The following LARGE1 variants were observed in gnomAD, a reference collection of about 807,000 sequenced individuals.
The protein encoded by LARGE1 is LARGE xylosyl- and glucuronyltransferase 1, also known as xylosyl- and glucuronyltransferase LARGE1.
LARGE1 carries 43 observed loss-of-function variants against 87.6 expected under a neutral mutation model. The ratio of observed to expected loss-of-function variants is 0.49; its 90% CI spans 0.38 to 0.63. The LOEUF is 0.63. LARGE1 is among the 30% of genes least tolerant of loss of function. LARGE1 has a pLI of 0.00. For synonymous variants in LARGE1, 434 were observed against 394.6 expected, an observed-to-expected ratio of 1.10 and a Z score of -1.18; for missense variants, 802 against 1,000.2, an observed-to-expected ratio of 0.80 and a Z score of 2.67.
intron 2 of LARGE1, among the ~76,000 whole-genome samples, chr22:33,665,524 C>T (rs1032520089): frequency 3.3e-5 from 5 of 152,142 alleles, no homozygotes; most frequent in African/African-American, 1.2e-4. Context: ...GCCACTTTGG[C>T]GGGATGAATG....
the LARGE1 span, among the ~76,000 whole-genome samples, chr22:33,120,380 TTC>T: frequency 2.1e-5 from 2 of 93,846 alleles, no homozygotes; most frequent in African/African-American, 6.7e-5. Flanking sequence ...CTTTCTTTCT[TTC>T]TTTCTTTCTT....
intron 6 of LARGE1, among the ~76,000 whole-genome samples, chr22:33,472,493 A>G (rs1486142320): frequency 6.6e-6 from 1 of 152,100 alleles, no homozygotes; most frequent in Non-Finnish European, 1.5e-5. Flanking sequence ...AAACCTCTGC[A>G]GGTGTTTTTT....
downstream of LARGE1, among the ~76,000 whole-genome samples, chr22:33,158,774 A>G (rs1404340485): frequency 6.6e-6 from 1 of 152,206 alleles, no homozygotes; most frequent in African/African-American, 2.4e-5. Context: ...ATTTTCCCGT[A>G]ACACTGGACA....
At chr22:33,200,680 A>G (rs1052567854) in intron 11 of LARGE1, among the ~76,000 whole-genome samples, 3 of 152,248 alleles carry the variant, frequency 2.0e-5, no homozygotes, top group Non-Finnish European at 4.4e-5. Flanking sequence ...ATTTGAAGAC[A>G]TTATGCCAAG....
At chr22:33,499,857 T>C (rs867332766) in intron 6 of LARGE1, among the ~76,000 whole-genome samples, 3 of 152,262 alleles carry the variant, frequency 2.0e-5, no homozygotes, top group Middle Eastern at 3.4e-3. Context: ...CACTGCAACC[T>C]CCGCCTCCCA....
chr22:33,135,738 G>A, the LARGE1 span, among the ~76,000 whole-genome samples: 1 of 152,218 alleles, frequency 6.6e-6, no homozygotes, highest in Non-Finnish European at 1.5e-5. Flanking sequence ...TACTTGGGAG[G>A]CTGAGGCAGA....
intron 9 of LARGE1, among the ~76,000 whole-genome samples, chr22:33,372,061 C>T (rs1164195561): frequency 6.6e-6 from 1 of 151,654 alleles, no homozygotes; most frequent in African/African-American, 2.4e-5. Context: ...AATAACTTTT[C>T]ATGTACTTTA....
At chr22:33,604,791 C>G (rs1242746027) in intron 4 of LARGE1, among the ~76,000 whole-genome samples, 1 of 152,170 alleles carries the variant, frequency 6.6e-6, no homozygotes, top group Non-Finnish European at 1.5e-5. Context: ...AACCAACCAC[C>G]AATCACTACT....
At chr22:33,493,794 G>A (rs1182594486) in intron 6 of LARGE1, among the ~76,000 whole-genome samples, 4 of 152,114 alleles carry the variant, frequency 2.6e-5, no homozygotes, top group Admixed American at 2.6e-4. Context: ...AATGACTCCA[G>A]GTACCCAGCC....
At position 33,341,093 on chromosome 22, in the gene LARGE1, G is replaced by A. The variant is rs560049655; in HGVS notation, c.1132-3292C>T. Among the ~76,000 whole-genome samples the A allele has an allele frequency of 1.3e-4, 20 of 152,068 alleles. No individual in the cohort carries two copies. In the South Asian group the frequency reaches 3.1e-3, roughly 24 times the overall value. ...AAATTCACATGTGGAAAGCCTAATC[G>A]CCAAGGTGATGACATTAGGAGGTGG... On this transcript the variant is annotated intron_variant, in intron 9 of 14. Coordinates refer to ENST00000397394, the MANE Select transcript of LARGE1 (RefSeq NM_133642.5).
chr22:33,695,010 T>C (rs2082201024), intron 2 of LARGE1, among the ~76,000 whole-genome samples: 1 of 152,156 alleles, frequency 6.6e-6, no homozygotes, highest in South Asian at 2.1e-4. Flanking sequence ...TCTCCTAAAA[T>C]TTTAATTTTG....
chr22:33,541,426 C>A (rs2077206756), intron 6 of LARGE1, among the ~76,000 whole-genome samples: 1 of 152,104 alleles, frequency 6.6e-6, no homozygotes, highest in African/African-American at 2.4e-5. Context: ...CCTATATGCA[C>A]AGAAAAGCAT....
At chr22:33,746,882 G>A (rs2145589618) in intron 2 of LARGE1, among the ~76,000 whole-genome samples, 1 of 152,266 alleles carries the variant, frequency 6.6e-6, no homozygotes, top group South Asian at 2.1e-4. Context: ...CCCAGAGGCT[G>A]CACTTAATCC....
chr22:33,709,281 C>T (rs2082654655), intron 2 of LARGE1, among the ~76,000 whole-genome samples: 1 of 152,160 alleles, frequency 6.6e-6, no homozygotes, highest in Admixed American at 6.5e-5. Context: ...ACCTCCAAGA[C>T]CCTGAAAACA....
the LARGE1 span, chr22:33,109,340 G>A: frequency 2.0e-5 from 3 of 151,926 alleles, no homozygotes; most frequent in Admixed American, 2.0e-4. Context: ...TAACAGACAG[G>A]ATCTGGCTCT....
chr22:33,779,071 T>C (rs2085337295), intron 1 of LARGE1, among the ~76,000 whole-genome samples: 1 of 152,216 alleles, frequency 6.6e-6, no homozygotes, highest in Non-Finnish European at 1.5e-5. Context: ...GTGAATAGTT[T>C]TGCTACAAAC....
In LARGE1 at chr22:33,683,027, G is replaced by A. The variant is rs140336277; in HGVS notation, c.107-32359C>T. Among the ~76,000 whole-genome samples the A allele has an allele frequency of 5.0e-3, 767 of 152,324 alleles. 4 individuals carry two copies. The highest frequency in any genetic ancestry group is 7.1e-3 in the Non-Finnish European group (484 of 68,032). ...ATACTGATGGTCTCCTATATGACAA[G>A]AATTGTTCTAGCCATTTTGTGCTCT... On this transcript the variant is annotated intron_variant, in intron 2 of 14. Transcript: ENST00000397394.
At position 33,741,270 on chromosome 22, in the gene LARGE1, C is replaced by A. The variant is rs2083870512; in HGVS notation, c.106+20101G>T. Among the ~76,000 whole-genome samples, 4 of 152,174 alleles carry A rather than the reference C, an allele frequency of 2.6e-5. No individual in the cohort carries two copies. The East Asian group carries it at 7.7e-4, about 29-fold the overall frequency. On this transcript the variant is annotated intron_variant, in intron 2 of 14. Coordinates refer to ENST00000397394, the MANE Select transcript of LARGE1 (RefSeq NM_133642.5). ...GCTCACCTGATACATCATGCAATAACAAGCTCCCTTGGGTAGGTTAAAAAT... is the reference window on the plus strand; with the variant it reads ...GCTCACCTGATACATCATGCAATAAAAAGCTCCCTTGGGTAGGTTAAAAAT...
At chr22:33,433,789 T>A (rs1445519877) in intron 6 of LARGE1, among the ~76,000 whole-genome samples, 1 of 152,168 alleles carries the variant, frequency 6.6e-6, no homozygotes, top group Non-Finnish European at 1.5e-5. Flanking sequence ...TGGAAGCCCA[T>A]CCGCACTTAA....
Sources: allele counts gnomAD v4.1 joint callset (sites outside exome capture counted in the v4.1 genomes callset), GRCh38; gene constraint gnomAD v4.1.1; transcripts MANE v1.5; gene names NCBI Gene and HGNC (gene_info 2026-07-23, HGNC 2026-07-21).